SEZ6L: variants seen among roughly 807,000 people sequenced by gnomAD.
The protein encoded by SEZ6L is seizure related 6 homolog like.
In SEZ6L, 37 loss-of-function variants were observed where a neutral mutation model predicts 106.2. That is an observed-to-expected ratio of 0.35 (90% CI 0.27 to 0.46). SEZ6L has a LOEUF of 0.46. Among genes scored for constraint, SEZ6L ranks in the 20% least tolerant of loss-of-function variants. The probability of loss-of-function intolerance (pLI) is 1.00; values close to 1 mark genes in which losing one functional copy is unlikely to be tolerated. For synonymous variants in SEZ6L, 541 were observed against 570.4 expected, an observed-to-expected ratio of 0.95 and a Z score of 0.73; for missense variants, 1,172 against 1,332.8, an observed-to-expected ratio of 0.88 and a Z score of 1.88.
At chr22:26,325,268 G>A (rs930921353) in intron 9 of SEZ6L, among the ~76,000 whole-genome samples, 1 of 152,228 alleles carries the variant, frequency 6.6e-6, no homozygotes, top group African/African-American at 2.4e-5. Context: ...GAGGGGCCAA[G>A]CTTTGGGATC....
At position 26,299,003 on chromosome 22, in the gene SEZ6L, C is replaced by A. The variant is rs1182485829; in HGVS notation, c.1182C>A (p.Asn394Lys). Residue 394 changes from asparagine (N) to lysine (K), a missense_variant, in exon 5 of 17, where the codon AAC becomes AAA. Physicochemically the swap from Asn to Lys is moderately conservative, Grantham distance 94 (BLOSUM62 0). Coordinates refer to ENST00000248933, the MANE Select transcript of SEZ6L (RefSeq NM_021115.5). ...LHYQAFMLSCNFPRRPDSGDV... is the reference protein window; with the variant it reads ...LHYQAFMLSCKFPRRPDSGDV... ...TCCCAGCCTTCATGCTGAGCTGCAA[C>A]TTTCCCCGCCGGCCTGACTCTGGGG... 1 of 1,586,146 alleles carries A rather than the reference C, an allele frequency of 6.3e-7. No individual in the cohort carries two copies. Among genetic ancestry groups the A allele is most frequent in the Non-Finnish European group, 8.6e-7 (1 of 1,166,412 alleles).
intron 11 of SEZ6L, among the ~76,000 whole-genome samples, chr22:26,348,309 A>C (rs906812435): frequency 6.6e-6 from 1 of 151,830 alleles, no homozygotes; most frequent in African/African-American, 2.4e-5. Flanking sequence ...CAGCCTGGGC[A>C]ATACAGTGAG....
chr22:26,208,718 C>G (rs1602036104), intron 1 of SEZ6L, among the ~76,000 whole-genome samples: 1 of 151,994 alleles, frequency 6.6e-6, no homozygotes, highest in South Asian at 2.1e-4. Context: ...TCATATTTAT[C>G]CTGCTGGAGT....
intron 10 of SEZ6L, among the ~76,000 whole-genome samples, chr22:26,345,116 T>G (rs1489801777): frequency 6.6e-6 from 1 of 151,852 alleles, no homozygotes; most frequent in Non-Finnish European, 1.5e-5. Context: ...GTTTTCTAAT[T>G]ATTAGCAAAG....
At chr22:26,172,885 C>A (rs1938720996) in intron 1 of SEZ6L, among the ~76,000 whole-genome samples, 1 of 152,180 alleles carries the variant, frequency 6.6e-6, no homozygotes, top group African/African-American at 2.4e-5. Context: ...TTGCAGTTTT[C>A]TTCATGAAGC....
intron 9 of SEZ6L, among the ~76,000 whole-genome samples, chr22:26,333,370 C>T (rs1055766652): frequency 2.6e-5 from 4 of 152,150 alleles, no homozygotes; most frequent in Non-Finnish European, 5.9e-5. Context: ...TAGAGGCAGG[C>T]GGGGCAGAAA....
chr22:26,321,545 G>C (rs923898409), intron 9 of SEZ6L, among the ~76,000 whole-genome samples: 1 of 152,242 alleles, frequency 6.6e-6, no homozygotes, highest in Non-Finnish European at 1.5e-5. Flanking sequence ...ACACTTGGCA[G>C]AGTGGCATCT....
chr22:26,200,234 G>A (rs1488670597), intron 1 of SEZ6L, among the ~76,000 whole-genome samples: 1 of 152,150 alleles, frequency 6.6e-6, no homozygotes, highest in Admixed American at 6.5e-5. Context: ...GATGGTGTGT[G>A]TATATGTTTG....
rs985245229 is a variant in SEZ6L, at chr22:26,365,718, A to T, written c.2794+152A>T. ...TGAGACCCCCATCTCTACCAAAAAA[A>T]AAAAAATTAGTCAGGCATGGCGGCA... On this transcript the variant is annotated intron_variant, in intron 13 of 16. Transcript: ENST00000248933. 4.7e-6 allele frequency: 3 copies of T among 639,708 alleles called. No individual in the cohort carries two copies. In the Admixed American group the frequency reaches 9.0e-5, roughly 19 times the overall value. The allele number at this position is 639,708 out of a possible 1,614,324, so 39.6% of individuals were successfully genotyped here. A position where few individuals can be genotyped will look rare whatever the true frequency, so the allele number is the denominator to read the frequency against.
intron 1 of SEZ6L, among the ~76,000 whole-genome samples, chr22:26,283,944 T>A (rs868257564): frequency 6.6e-5 from 10 of 152,360 alleles, no homozygotes; most frequent in Non-Finnish European, 4.4e-5. Flanking sequence ...TTTCAAAATG[T>A]GTTACTCAGT....
chr22:26,369,114 A>G (rs940048034), intron 13 of SEZ6L, among the ~76,000 whole-genome samples: 1 of 151,852 alleles, frequency 6.6e-6, no homozygotes, highest in African/African-American at 2.4e-5. Context: ...TGTGAGAACC[A>G]TTTAAGGCCG....
intron 8 of SEZ6L, among the ~76,000 whole-genome samples, chr22:26,312,779 A>G (rs1209679931): frequency 1.3e-5 from 2 of 152,232 alleles, no homozygotes; most frequent in Non-Finnish European, 2.9e-5. Context: ...CATATCAGCC[A>G]GGCTGGTCTC....
chr22:26,191,254 T>G (rs897469520), intron 1 of SEZ6L, among the ~76,000 whole-genome samples: 3 of 152,146 alleles, frequency 2.0e-5, no homozygotes, highest in Non-Finnish European at 4.4e-5. Context: ...CAAAGGAATA[T>G]AAATCATTCT....
intron 1 of SEZ6L, among the ~76,000 whole-genome samples, chr22:26,205,219 C>T (rs539371116): frequency 1.3e-5 from 2 of 152,332 alleles, no homozygotes; most frequent in South Asian, 4.1e-4. Context: ...TAAACACTGC[C>T]AATTACCAAC....
chr22:26,185,163 CTA>C (rs1266018909), intron 1 of SEZ6L, among the ~76,000 whole-genome samples: 4 of 152,164 alleles, frequency 2.6e-5, no homozygotes, highest in African/African-American at 9.7e-5. Flanking sequence ...CTAATGCACA[CTA>C]TGTATGTGAA....
chr22:26,224,230 G>A (rs996722391), intron 1 of SEZ6L, among the ~76,000 whole-genome samples: 3 of 152,206 alleles, frequency 2.0e-5, no homozygotes, highest in African/African-American at 7.2e-5. Context: ...TTCAACTCAT[G>A]CTGGCTCTCT....
chr22:26,276,400 A>T (rs1301385034), intron 1 of SEZ6L, among the ~76,000 whole-genome samples: 2 of 152,200 alleles, frequency 1.3e-5, no homozygotes, highest in Admixed American at 1.3e-4. Context: ...ACCTCCAAGC[A>T]CATCCTTGTA....
intron 12 of SEZ6L, among the ~76,000 whole-genome samples, chr22:26,362,721 A>C (rs2083675349): frequency 6.6e-6 from 1 of 152,192 alleles, no homozygotes; most frequent in Non-Finnish European, 1.5e-5. Context: ...TCCAAGATGC[A>C]ACTCCAGCTG....
At chr22:26,231,740 G>A (rs548818794) in intron 1 of SEZ6L, among the ~76,000 whole-genome samples, 10 of 152,330 alleles carry the variant, frequency 6.6e-5, no homozygotes, top group African/African-American at 2.2e-4. Context: ...ACTTGGCAGA[G>A]GCAGAAAGCA....
Sources: allele counts gnomAD v4.1 joint callset (sites outside exome capture counted in the v4.1 genomes callset), GRCh38; gene constraint gnomAD v4.1.1; transcripts MANE v1.5; gene names NCBI Gene and HGNC (gene_info 2026-07-23, HGNC 2026-07-21).